Variants in ECT2L observed in about 807,000 individuals in gnomAD.
The protein encoded by ECT2L is epithelial cell transforming 2 like.
ECT2L carries 126 observed loss-of-function variants against 122.8 expected under a neutral mutation model. That is an observed-to-expected ratio of 1.03 (90% CI 0.89 to 1.19). The LOEUF (loss-of-function observed/expected upper bound fraction) is 1.19. Among genes scored for constraint, ECT2L ranks in the 50% most tolerant of loss-of-function variants. ECT2L has a pLI of 0.00. For missense variants in ECT2L, 1,012 were observed against 1,064.1 expected (o/e 0.95, Z 0.68); for synonymous variants, 385 against 381.8 (o/e 1.01, Z -0.10).
chr6:138,808,564 G>C (rs1775785872), intron 1 of ECT2L, among the ~76,000 whole-genome samples: 1 of 152,036 alleles, frequency 6.6e-6, no homozygotes, highest in African/African-American at 2.4e-5. Flanking sequence ...AATGTTATTA[G>C]TATACAGAAA....
chr6:138,869,877 G>A (rs1778187648), intron 13 of ECT2L, among the ~76,000 whole-genome samples: 1 of 152,160 alleles, frequency 6.6e-6, no homozygotes, highest in Non-Finnish European at 1.5e-5. Flanking sequence ...CAAGGGGTTG[G>A]TGTGGGCCAC....
intron 20 of ECT2L, among the ~76,000 whole-genome samples, chr6:138,900,287 C>G (rs1342607956): frequency 6.6e-6 from 1 of 152,070 alleles, no homozygotes; most frequent in African/African-American, 2.4e-5. Context: ...CGCCCTGTCA[C>G]CCAGGCTGGA....
At chr6:138,804,350 T>C (rs191761179) in intron 1 of ECT2L, among the ~76,000 whole-genome samples, 18 of 152,374 alleles carry the variant, frequency 1.2e-4, no homozygotes, top group African/African-American at 3.6e-4. Flanking sequence ...CTTCCCTTTC[T>C]GATTTGTCAT....
Position 138,835,551 on chromosome 6 carries a change from C to CA in ECT2L, c.180-2784dup, listed in dbSNP as rs34328066. On this transcript the variant is annotated intron_variant, in intron 4 of 21. Transcript: ENST00000541398. ...TGGGTGACAGAGCCAGGCCCTGTCTCAAAAAAAAAAAAAAAAATAGTTAAC... is the reference window on the plus strand; with the variant it reads ...TGGGTGACAGAGCCAGGCCCTGTCTCAAAAAAAAAAAAAAAAAATAGTTAAC... Among the ~76,000 whole-genome samples the CA allele has an allele frequency of 8.5e-3, 998 of 117,832 alleles. 3 individuals are homozygous for CA. The highest frequency in any genetic ancestry group is 0.027 in the East Asian group (114 of 4,218). The allele number at this position is 117,832 out of a possible 152,430, so 77.3% of individuals were successfully genotyped here.
intron 19 of ECT2L, 74 bp downstream of exon 19, chr6:138,886,996 A>G: frequency 1.6e-6 from 2 of 1,231,944 alleles, no homozygotes; most frequent in Non-Finnish European, 2.4e-6. Context: ...AAGGAGACCT[A>G]CAGATCCCAA....
chr6:138,815,259 C>T (rs534936276), intron 4 of ECT2L, among the ~76,000 whole-genome samples: 1 of 152,338 alleles, frequency 6.6e-6, no homozygotes, highest in Admixed American at 6.5e-5. Flanking sequence ...TTATTAGATA[C>T]TTTACTAATT....
intron 8 of ECT2L, among the ~76,000 whole-genome samples, 188 bp downstream of exon 8, chr6:138,846,865 G>T (rs189630792): frequency 1.3e-5 from 2 of 151,514 alleles, no homozygotes; most frequent in South Asian, 4.2e-4. Context: ...AGAAGGCTGA[G>T]GTGGGAGGAT....
intron 12 of ECT2L, among the ~76,000 whole-genome samples, chr6:138,866,077 C>T (rs1778025667): frequency 6.6e-6 from 1 of 151,888 alleles, no homozygotes; most frequent in Non-Finnish European, 1.5e-5. Context: ...TACTCTATCA[C>T]ATTTAGGAGG....
rs549491271 is a variant in ECT2L at position 138,862,822 on chromosome 6, A to G, written c.1291+103A>G. 3.9e-4 allele frequency: 346 copies of G among 886,708 alleles called. No individual in the cohort carries two copies. The Middle Eastern group carries it at 5.1e-3, about 13-fold the overall frequency. The allele number at this position is 886,708 out of a possible 1,614,324, so 54.9% of individuals were successfully genotyped here. Reference sequence around the variant, plus strand: ...AATAGTACTGGTATGGCTGATATCCATTACTCTCTTTCATTCCTCCCCTGA... The same window carrying G: ...AATAGTACTGGTATGGCTGATATCCGTTACTCTCTTTCATTCCTCCCCTGA... On this transcript the variant is annotated intron_variant, in intron 11 of 21. Coordinates refer to ENST00000541398, the MANE Select transcript of ECT2L (RefSeq NM_001077706.3).
In ECT2L at chr6:138,903,893, GTCTA is replaced by G. The variant is rs1449117966; in HGVS notation, c.*1269_*1272del. The G allele has an allele frequency of 1.3e-5, 2 of 152,132 alleles. No individual in the cohort carries two copies. The highest frequency in any genetic ancestry group is 4.8e-5 in the African/African-American group (2 of 41,434). 9.4% of individuals were successfully genotyped at this position (152,132 alleles called of 1,614,324 possible). ...TCAAATTCTTGTTTACAGTAACAAA[GTCTA>G]TCGGTGCAGTTTAGGACTGTGAATC... On this transcript the variant is annotated 3_prime_UTR_variant, in exon 22 of 22. Transcript: ENST00000541398.
chr6:138,888,978 A>G lies in ECT2L; in HGVS notation c.2361A>G (p.Val787=), dbSNP rs556189035. 1.9e-6 allele frequency: 3 copies of G among 1,545,714 alleles called. No individual in the cohort carries two copies. Among genetic ancestry groups the G allele is most frequent in the Admixed American group, 1.8e-5 (1 of 54,830 alleles). Residue 787 remains valine (V), a synonymous_variant, in exon 20 of 22, where the codon GTA becomes GTG. Coordinates refer to ENST00000541398, the MANE Select transcript of ECT2L (RefSeq NM_001077706.3). ...LSEVNRYLIR[V]QDVAQLHCCD... Reference sequence around the variant, plus strand: ...AAGTAAACAGATATCTGATTAGGGTACAAGATGTAGCCCAACTTCATTGCT... The same window carrying G: ...AAGTAAACAGATATCTGATTAGGGTGCAAGATGTAGCCCAACTTCATTGCT...
chr6:138,810,677 T>A (rs1044734786), intron 1 of ECT2L, among the ~76,000 whole-genome samples: 3 of 152,212 alleles, frequency 2.0e-5, no homozygotes, highest in Non-Finnish European at 1.5e-5. Flanking sequence ...AGGATTGCTA[T>A]GAATCCTTTA....
intron 21 of ECT2L, among the ~76,000 whole-genome samples, chr6:138,902,095 T>C (rs895683861): frequency 4.6e-5 from 7 of 152,228 alleles, no homozygotes; most frequent in Non-Finnish European, 8.8e-5. Context: ...TAATAGACAG[T>C]GGGCATTCAG....
chr6:138,883,698 G>GTTACATAAAAAAAA (rs1778716566), intron 16 of ECT2L, among the ~76,000 whole-genome samples: 1 of 152,146 alleles, frequency 6.6e-6, no homozygotes, highest in Non-Finnish European at 1.5e-5. Context: ...ACATAAATAA[G>GTTACATAAAAAAAA]GTAGTTTCAT....
intron 11 of ECT2L, among the ~76,000 whole-genome samples, chr6:138,863,804 C>CG (rs1777925619): frequency 6.6e-6 from 1 of 150,836 alleles, no homozygotes. Context: ...TTAGTAGAGA[C>CG]GGGGTTTCAC....
At chr6:138,813,095 TTCTA>T (rs1775954989) in intron 2 of ECT2L, 73 bp from the exon 3 acceptor site, 1 of 507,856 alleles carries the variant, frequency 2.0e-6, no homozygotes, top group Non-Finnish European at 3.5e-6. Flanking sequence ...TGAATTATAA[TTCTA>T]TCTATATGTT....
intron 9 of ECT2L, among the ~76,000 whole-genome samples, chr6:138,852,704 G>T (rs974657643): frequency 3.3e-5 from 5 of 152,098 alleles, no homozygotes; most frequent in Admixed American, 2.0e-4. Context: ...CCTGTGCCTG[G>T]GGCAAGTTGT....
At chr6:138,881,495 G>T (rs6907941) in intron 15 of ECT2L, among the ~76,000 whole-genome samples, 6,844 of 151,960 alleles carry the variant, frequency 0.045, 487 homozygotes, top group African/African-American at 0.15. Flanking sequence ...GGGGTGGGGG[G>T]AATGGTTTCA....
At chr6:138,817,901 T>G (rs561684443) in intron 4 of ECT2L, among the ~76,000 whole-genome samples, 2 of 152,330 alleles carry the variant, frequency 1.3e-5, no homozygotes, top group East Asian at 3.9e-4. Flanking sequence ...ACTAATGGTT[T>G]CCAGTGATGT....
Sources: gnomAD v4.1 joint callset for allele counts (sites outside exome capture counted in the v4.1 genomes callset) on GRCh38, gnomAD v4.1.1 for gene constraint, MANE v1.5 for transcripts, NCBI Gene and HGNC (gene_info 2026-07-23, HGNC 2026-07-21) for gene names.